The following TUBB3 variants were observed in gnomAD, a reference collection of about 807,000 sequenced individuals.
TUBB3 encodes tubulin beta 3 class III, also known as tubulin beta-3 chain.
Under a neutral mutation model 37.8 loss-of-function variants are expected in TUBB3, and 17 were observed. That is an observed-to-expected ratio of 0.45 (90% CI 0.31 to 0.67). The LOEUF (loss-of-function observed/expected upper bound fraction) is 0.67. TUBB3 is among the 30% of genes least tolerant of loss of function. The probability of loss-of-function intolerance (pLI) is 0.07; values close to 1 mark genes in which losing one functional copy is unlikely to be tolerated. For synonymous variants in TUBB3, 332 were observed against 278.9 expected (o/e 1.19, Z -1.90); for missense variants, 262 against 657.9 (o/e 0.40, Z 6.58).
Position 89,932,695 on chromosome 16 carries a change from A to C in TUBB3, c.166+16A>C. The C allele has an allele frequency of 2.5e-6, 4 of 1,604,642 alleles. No homozygotes were observed. Among genetic ancestry groups the C allele is most frequent in the Non-Finnish European group, 3.4e-6 (4 of 1,172,116 alleles). On this transcript the variant is annotated intron_variant, in intron 2 of 3. Transcript: ENST00000315491. ...GAGGCCTCTTGTGAGTGCCTGCCCC[A>C]GCCTCCCTATCCCAGCCCTGGACTG...
upstream of TUBB3, among the ~76,000 whole-genome samples, chr16:89,923,023 G>A (rs2029939386): frequency 6.6e-6 from 1 of 152,248 alleles, no homozygotes; most frequent in Non-Finnish European, 1.5e-5. Flanking sequence ...CGAGAGGGTA[G>A]CTGGGGGCGG....
At chr16:89,931,623 C>T (rs1173155874) in intron 1 of TUBB3, 1 of 164,202 alleles carries the variant, frequency 6.1e-6, no homozygotes, top group Non-Finnish European at 1.4e-5. Flanking sequence ...ATATGCCTCA[C>T]ACAGATTAAC....
upstream of TUBB3, chr16:89,923,339 A>G (rs971949944): frequency 2.9e-6 from 4 of 1,384,360 alleles, no homozygotes; most frequent in African/African-American, 1.5e-5. Context: ...GCGGTCCCCG[A>G]CCCTCAGCAG....
At chr16:89,929,091 C>A (rs1228553832) in intron 1 of TUBB3, among the ~76,000 whole-genome samples, 2 of 150,408 alleles carry the variant, frequency 1.3e-5, no homozygotes, top group African/African-American at 2.4e-5. Flanking sequence ...GACTCTGAAA[C>A]AACTGAAATT....
intron 3 of TUBB3, chr16:89,934,347 T>C (rs1203763908): frequency 8.2e-6 from 4 of 490,380 alleles, no homozygotes; most frequent in African/African-American, 5.8e-5. Context: ...AGCTGGTAGA[T>C]GCCAACTCGC....
rs551983164 is a variant in TUBB3, at chr16:89,933,733, G to A, written c.277+155G>A. On this transcript the variant is annotated intron_variant, in intron 3 of 3. Coordinates refer to ENST00000315491, the MANE Select transcript of TUBB3 (RefSeq NM_006086.4). The stretch of plus-strand genomic sequence containing the variant: ...TCTCTCCATTTTACAGCTGGGCATT[G>A]GAGGCCCAGAGAAAGGGTTCTGTGG... 2.3e-4 allele frequency: 170 copies of A among 738,712 alleles called. No individual in the cohort carries two copies. The African/African-American group carries it at 2.5e-3, about 11-fold the overall frequency. The allele number at this position is 738,712 out of a possible 1,614,324, so 45.8% of individuals were successfully genotyped here. A position where few individuals can be genotyped will look rare whatever the true frequency, so the allele number is the denominator to read the frequency against.
chr16:89,933,523 C>T lies in TUBB3; in HGVS notation c.222C>T (p.Asp74=). 3 of 1,614,172 alleles carry T rather than the reference C, an allele frequency of 1.9e-6. No individual in the cohort carries two copies. Among genetic ancestry groups the T allele is most frequent in the Non-Finnish European group, 2.5e-6 (3 of 1,180,030 alleles). The change falls in exon 3 of 4, where the codon GAC becomes GAT. Residue 74 remains aspartate (D), a synonymous_variant. Transcript: ENST00000315491. ...TGGACCTGGAACCCGGAACCATGGACAGTGTCCGCTCAGGGGCCTTTGGAC... is the reference window on the plus strand; with the variant it reads ...TGGACCTGGAACCCGGAACCATGGATAGTGTCCGCTCAGGGGCCTTTGGAC... The part of the protein sequence containing the change: ...ILVDLEPGTM[D]SVRSGAFGHL...
chr16:89,930,791 A>T (rs1050877009), intron 1 of TUBB3, among the ~76,000 whole-genome samples: 1 of 150,894 alleles, frequency 6.6e-6, no homozygotes, highest in African/African-American at 2.4e-5. Context: ...TGCCTCCTGC[A>T]CAGCAGTTTC....
At position 89,933,485 on chromosome 16, in the gene TUBB3, C is replaced by G. The variant is rs1423200485; in HGVS notation, c.184C>G (p.Arg62Gly). Reference protein sequence around the residue: ...NEASSHKYVPRAILVDLEPGT... With the variant: ...NEASSHKYVPGAILVDLEPGT... ...CCCCTCAGCTCACAAGTACGTGCCT[C>G]GAGCCATTCTGGTGGACCTGGAACC... is the stretch of plus-strand genomic sequence containing the variant. The change falls in exon 3 of 4, where the codon CGA becomes GGA. Residue 62 changes from arginine to glycine, a missense_variant. Physicochemically the swap from Arg to Gly is moderately radical, Grantham distance 125 (BLOSUM62 -2). Around this residue, in one of 3 missense-constraint regions of TUBB3, gnomAD observed 165 missense variants for 556.8 expected, o/e 0.30. Coordinates refer to ENST00000315491, the MANE Select transcript of TUBB3 (RefSeq NM_006086.4). 6.2e-7 allele frequency: 1 copy of G among 1,613,950 alleles called. No homozygotes were observed.
intron 3 of TUBB3, 118 bp from the exon 4 acceptor site, chr16:89,934,611 A>C: frequency 9.7e-7 from 1 of 1,027,476 alleles, no homozygotes; most frequent in Non-Finnish European, 1.5e-6. Flanking sequence ...CCTACTTTAC[A>C]GAAGACAGAA....
chr16:89,934,967 A>G lies in TUBB3; in HGVS notation c.516A>G (p.Ser172=), dbSNP rs780677535. ...RIMNTFSVVP[S]PKVSDTVVEP... The stretch of plus-strand genomic sequence containing the variant: ...TGAACACCTTCAGCGTCGTGCCCTC[A>G]CCCAAGGTGTCAGACACGGTGGTGG... The change falls in exon 4 of 4, where the codon TCA becomes TCG. Residue 172 remains serine, a synonymous_variant. Transcript: ENST00000315491. 2 of 1,614,086 alleles carry G rather than the reference A, an allele frequency of 1.2e-6. No individual in the cohort carries two copies. Among genetic ancestry groups the G allele is most frequent in the Non-Finnish European group, 1.7e-6 (2 of 1,180,014 alleles).
rs772632829 is a variant in TUBB3 at position 89,923,484 on chromosome 16, C to T, written c.57+26C>T. The stretch of plus-strand genomic sequence containing the variant: ...GTGAGGCTGCGCGCCCCGGCCTGTC[C>T]CGGGCCCCGGGGCGGGAGGAGGGAG... On this transcript the variant is annotated intron_variant, in intron 1 of 3. Coordinates refer to ENST00000315491, the MANE Select transcript of TUBB3 (RefSeq NM_006086.4). 725 of 1,426,256 alleles carry T rather than the reference C, an allele frequency of 5.1e-4. 2 individuals are homozygous for T. The highest frequency in any genetic ancestry group is 3.1e-4 in the Non-Finnish European group (333 of 1,085,538). 88.4% of individuals were successfully genotyped at this position (1,426,256 alleles called of 1,614,324 possible).
At chr16:89,925,023 G>C (rs2030025359) in intron 1 of TUBB3, among the ~76,000 whole-genome samples, 1 of 152,002 alleles carries the variant, frequency 6.6e-6, no homozygotes, top group East Asian at 1.9e-4. Context: ...GGCAGCCCTG[G>C]GGCCCACCTG....
chr16:89,926,340 A>T lies in TUBB3; in HGVS notation c.57+2882A>T, dbSNP rs1266651517. 2.0e-5 allele frequency among the ~76,000 whole-genome samples: 3 copies of T among 151,970 alleles called. No individual in the cohort carries two copies. The East Asian group carries it at 5.8e-4, about 30-fold the overall frequency. On this transcript the variant is annotated intron_variant, in intron 1 of 3. Coordinates refer to ENST00000315491, the MANE Select transcript of TUBB3 (RefSeq NM_006086.4). ...CTCGCCCCGCCCTCTCGCCTGAAAG[A>T]CCTGCGGAGCCGCGGGCCGGGCGGG... is the stretch of plus-strand genomic sequence containing the variant.
Position 89,934,997 on chromosome 16 carries a change from C to T in TUBB3, c.546C>T (p.Pro182=). Residue 182 remains proline, a synonymous_variant, in exon 4 of 4, where the codon CCC becomes CCT. Transcript: ENST00000315491. The part of the protein sequence containing the change: ...SPKVSDTVVE[P]YNATLSIHQL... ...AGGTGTCAGACACGGTGGTGGAGCC[C>T]TACAACGCCACGCTGTCCATCCACC... The T allele has an allele frequency of 1.2e-6, 2 of 1,614,176 alleles. No individual in the cohort carries two copies. The highest frequency in any genetic ancestry group is 1.7e-6 in the Non-Finnish European group (2 of 1,180,024).
rs112388869 is a variant in TUBB3 at position 89,932,544 on chromosome 16, A to ACC, written c.58-21_58-20dup. 3 of 1,596,606 alleles carry ACC rather than the reference A, an allele frequency of 1.9e-6. No individual in the cohort carries two copies. In the South Asian group the frequency reaches 3.3e-5, roughly 18 times the overall value. On this transcript the variant is annotated intron_variant, in intron 1 of 3. Transcript: ENST00000315491. The stretch of plus-strand genomic sequence containing the variant: ...TGGCTGGGGCTATGGGCCGGTGCCG[A>ACC]CCCCCCCTCTCCCACTTTGTTTGCA...
At chr16:89,926,146 G>T (rs930103196) in intron 1 of TUBB3, among the ~76,000 whole-genome samples, 7 of 152,222 alleles carry the variant, frequency 4.6e-5, no homozygotes, top group Non-Finnish European at 1.0e-4. Context: ...CCCGGGCTTT[G>T]CTTTCCTGGG....
chr16:89,932,288 A>G (rs930405346), intron 1 of TUBB3, among the ~76,000 whole-genome samples: 1 of 152,230 alleles, frequency 6.6e-6, no homozygotes, highest in Non-Finnish European at 1.5e-5. Flanking sequence ...GGCCCTTGCC[A>G]GCAGCTGCAC....
intron 2 of TUBB3, chr16:89,933,010 CAG>C (rs2151092127): frequency 1.2e-5 from 6 of 492,002 alleles, no homozygotes; most frequent in South Asian, 1.2e-4. Context: ...AGGGCTTAGT[CAG>C]GGGCTCTTTA....
Sources: allele counts gnomAD v4.1 joint callset (sites outside exome capture counted in the v4.1 genomes callset), GRCh38; gene constraint gnomAD v4.1.1; regional missense constraint gnomAD v4.1.1; transcripts MANE v1.5; gene names NCBI Gene and HGNC (gene_info 2026-07-23, HGNC 2026-07-21).